The following SEL1L3 variants were observed in gnomAD, a reference collection of about 807,000 sequenced individuals.
SEL1L3 encodes SEL1L family member 3, also known as protein sel-1 homolog 3.
A neutral mutation model predicts 142.8 loss-of-function variants in SEL1L3; 76 were observed. The observed-to-expected ratio is 0.53, with a 90% CI of 0.44 to 0.64. The LOEUF is 0.64. Among genes scored for constraint, SEL1L3 ranks in the 30% least tolerant of loss-of-function variants. The pLI is 0.00. For synonymous variants in SEL1L3, 504 were observed against 519.6 expected, an observed-to-expected ratio of 0.97 and a Z score of 0.41; for missense variants, 1,262 against 1,381.7, an observed-to-expected ratio of 0.91 and a Z score of 1.37.
At position 25,838,778 on chromosome 4, in the gene SEL1L3, T is replaced by A. The variant is rs867920138; in HGVS notation, c.734-3455A>T. Among the ~76,000 whole-genome samples the A allele has an allele frequency of 2.8e-4, 42 of 152,290 alleles. No homozygotes were observed. The Middle Eastern group carries it at 0.017, about 62-fold the overall frequency. ...CCCCCACCCCTCACTGGTTGTTAAA[T>A]ATGTTAAATCTCATCCCTGGGTCAG... is the stretch of plus-strand genomic sequence containing the variant. On this transcript the variant is annotated intron_variant, in intron 2 of 23. Coordinates refer to ENST00000399878, the MANE Select transcript of SEL1L3 (RefSeq NM_015187.5).
chr4:25,794,568 A>G lies in SEL1L3; in HGVS notation c.1957-3994T>C, dbSNP rs149874175. On this transcript the variant is annotated intron_variant, in intron 11 of 23. Coordinates refer to ENST00000399878, the MANE Select transcript of SEL1L3 (RefSeq NM_015187.5). ...TTATTAACAAGTCAAGAAGCAACAG[A>G]TGCTGGTGAGGCTGTGGAGAGATAG... is the stretch of plus-strand genomic sequence containing the variant. Among the ~76,000 whole-genome samples, 621 of 152,344 alleles carry G rather than the reference A, an allele frequency of 4.1e-3. 4 individuals are homozygous for G. The highest frequency in any genetic ancestry group is 0.014 in the African/African-American group (585 of 41,570).
the SEL1L3 span, among the ~76,000 whole-genome samples, chr4:25,714,552 C>CTTTCTTTCT: frequency 1.3e-5 from 1 of 78,394 alleles, no homozygotes; most frequent in Admixed American, 1.4e-4. Flanking sequence ...TTCTTTCTTT[C>CTTTCTTTCT]TTCTTTCTTT....
In SEL1L3 at chr4:25,840,208, GA is replaced by G. The variant is rs368622315; in HGVS notation, c.734-4886del. ...ACAATGTGTGTGAAAAAAGTGTTTC[GA>G]AAAATCATAAAGGGGAATGTAGATG... is the stretch of plus-strand genomic sequence containing the variant. On this transcript the variant is annotated intron_variant, in intron 2 of 23. Transcript: ENST00000399878. 2.9e-3 allele frequency among the ~76,000 whole-genome samples: 439 copies of G among 152,104 alleles called. 2 individuals carry two copies. The highest frequency in any genetic ancestry group is 8.9e-3 in the African/African-American group (369 of 41,474).
intron 11 of SEL1L3, among the ~76,000 whole-genome samples, chr4:25,795,991 C>G (rs1343072029): frequency 6.6e-6 from 1 of 151,936 alleles, no homozygotes. Context: ...TGGCAGGAAC[C>G]AAGCGTCCCA....
the SEL1L3 span, among the ~76,000 whole-genome samples, chr4:25,729,298 A>T: frequency 1.3e-5 from 2 of 152,214 alleles, no homozygotes; most frequent in African/African-American, 4.8e-5. Context: ...ATTTTACTGC[A>T]TTTTAATGTT....
chr4:25,826,594 C>G (rs1026154101), intron 6 of SEL1L3, among the ~76,000 whole-genome samples: 3 of 152,096 alleles, frequency 2.0e-5, no homozygotes, highest in Admixed American at 2.0e-4. Context: ...GGGGAGGTCT[C>G]AGGAGTACAG....
At chr4:25,783,276 G>A (rs1028478614) in intron 14 of SEL1L3, among the ~76,000 whole-genome samples, 6 of 152,118 alleles carry the variant, frequency 3.9e-5, no homozygotes, top group Middle Eastern at 3.2e-3. Flanking sequence ...ACAAATCAGG[G>A]GGTTCCCTCT....
chr4:25,862,429 G>GA (rs1717783092), intron 1 of SEL1L3, among the ~76,000 whole-genome samples: 1 of 152,126 alleles, frequency 6.6e-6, no homozygotes, highest in African/African-American at 2.4e-5. Context: ...CGGGTCTAGA[G>GA]AGAGTCCAGG....
At chr4:25,824,353 C>T (rs1207016497) in intron 6 of SEL1L3, among the ~76,000 whole-genome samples, 1 of 152,192 alleles carries the variant, frequency 6.6e-6, no homozygotes, top group Admixed American at 6.5e-5. Context: ...ATGCTTACAG[C>T]ATCCGGGATG....
At chr4:25,858,806 G>A (rs558037236) in intron 1 of SEL1L3, among the ~76,000 whole-genome samples, 70 of 152,134 alleles carry the variant, frequency 4.6e-4, no homozygotes, top group Non-Finnish European at 5.4e-4. Flanking sequence ...GGATGGTCTC[G>A]ATCTCCTGAC....
chr4:25,782,780 G>A (rs1711528729), intron 14 of SEL1L3, among the ~76,000 whole-genome samples: 1 of 152,134 alleles, frequency 6.6e-6, no homozygotes, highest in Non-Finnish European at 1.5e-5. Flanking sequence ...CTCAACTGAG[G>A]CCTGAAACCT....
At chr4:25,739,642 G>A in the SEL1L3 span, among the ~76,000 whole-genome samples, 1 of 151,904 alleles carries the variant, frequency 6.6e-6, no homozygotes, top group East Asian at 1.9e-4. Flanking sequence ...AGGATGCAGA[G>A]GTTGCAGTGA....
chr4:25,794,574 G>A (rs113837579), intron 11 of SEL1L3, among the ~76,000 whole-genome samples: 10,714 of 152,266 alleles, frequency 0.07, 831 homozygotes, highest in African/African-American at 0.2. Flanking sequence ...ACAGATGCTG[G>A]TGAGGCTGTG....
chr4:25,714,456 T>C, the SEL1L3 span, among the ~76,000 whole-genome samples: 1 of 151,992 alleles, frequency 6.6e-6, no homozygotes, highest in Admixed American at 6.6e-5. Flanking sequence ...CTTATGTATA[T>C]GGACAATAAA....
chr4:25,779,241 C>A (rs1719841459), intron 15 of SEL1L3, 38 bp from the exon 16 acceptor site: 1 of 1,608,254 alleles, frequency 6.2e-7, no homozygotes, highest in African/African-American at 1.3e-5. Context: ...GTCATCCTAG[C>A]TGGGCTGGTT....
intron 20 of SEL1L3, among the ~76,000 whole-genome samples, chr4:25,762,133 G>A (rs1320820543): frequency 6.6e-6 from 1 of 152,206 alleles, no homozygotes; most frequent in African/African-American, 2.4e-5. Context: ...ATTTTTAGCA[G>A]AGATGGGGTT....
At chr4:25,771,149 GAACA>G (rs1349207625) in intron 17 of SEL1L3, among the ~76,000 whole-genome samples, 2 of 152,324 alleles carry the variant, frequency 1.3e-5, no homozygotes, top group South Asian at 2.1e-4. Context: ...TACATTCATA[GAACA>G]AACATTTACT....
chr4:25,811,160 G>A (rs1450776433), intron 9 of SEL1L3, among the ~76,000 whole-genome samples: 1 of 152,128 alleles, frequency 6.6e-6, no homozygotes, highest in East Asian at 1.9e-4. Context: ...CAGGTACCTC[G>A]TGGCTGCTTT....
chr4:25,750,544 GAT>G (rs1488272943), intron 23 of SEL1L3, among the ~76,000 whole-genome samples: 3 of 152,188 alleles, frequency 2.0e-5, no homozygotes, highest in African/African-American at 7.2e-5. Flanking sequence ...CTATAAGTAA[GAT>G]CATGCCTACT....
Sources: gnomAD v4.1 joint callset for allele counts (sites outside exome capture counted in the v4.1 genomes callset) on GRCh38, gnomAD v4.1.1 for gene constraint, MANE v1.5 for transcripts, NCBI Gene and HGNC (gene_info 2026-07-23, HGNC 2026-07-21) for gene names.